MYOF: variants seen among roughly 807,000 people sequenced by gnomAD.
The protein encoded by MYOF is fer-1-like 3, myoferlin.
Under a neutral mutation model 284.2 loss-of-function variants are expected in MYOF, and 244 were observed. That is an observed-to-expected ratio of 0.86 (90% CI 0.77 to 0.95). The LOEUF (loss-of-function observed/expected upper bound fraction) is 0.95, where lower values mean the gene tolerates loss of function less well. Among genes scored for constraint, MYOF ranks in the 40% least tolerant of loss-of-function variants. The pLI, the probability that MYOF is intolerant of heterozygous loss-of-function variation, is 0.00. For missense variants in MYOF, 2,496 were observed against 2,560.6 expected (o/e 0.97, Z 0.54); for synonymous variants, 904 against 919.7 (o/e 0.98, Z 0.31).
At chr10:93,473,761 C>A (rs989597551) in intron 1 of MYOF, among the ~76,000 whole-genome samples, 2 of 152,186 alleles carry the variant, frequency 1.3e-5, no homozygotes, top group African/African-American at 4.8e-5. Flanking sequence ...ACTCCCTATC[C>A]TTTCAGATAG....
chr10:93,443,886 C>G (rs1158484305), intron 3 of MYOF, among the ~76,000 whole-genome samples: 1 of 152,126 alleles, frequency 6.6e-6, no homozygotes, highest in Admixed American at 6.5e-5. Flanking sequence ...GTAACTTGCC[C>G]AGGTCACCCA....
chr10:93,379,569 C>T lies in MYOF; in HGVS notation c.2001+294G>A, dbSNP rs1267853583. 5.9e-5 allele frequency among the ~76,000 whole-genome samples: 9 copies of T among 152,150 alleles called. No homozygotes were observed. The East Asian group carries it at 1.5e-3, about 26-fold the overall frequency. ...ATGTCATCTTCTCCCCACTGTTTACCAGCCCTCCCCTCAGGCTGGAGGGCA... is the reference window on the plus strand; with the variant it reads ...ATGTCATCTTCTCCCCACTGTTTACTAGCCCTCCCCTCAGGCTGGAGGGCA... On this transcript the variant is annotated intron_variant, in intron 21 of 53. Transcript: ENST00000359263.
rs1195670593 is a variant in MYOF, at chr10:93,396,148, C to CT, written c.1410dup (p.Val471SerfsTer51). ...GATCTGTTGAGTGACTTACCTTCCACTTCCCCACCAGAGGCAGCAATTTTA... is the reference window on the plus strand; with the variant it reads ...GATCTGTTGAGTGACTTACCTTCCACTTTCCCCACCAGAGGCAGCAATTTTA... On this transcript the variant is annotated frameshift_variant, in exon 16 of 54. Coordinates refer to ENST00000359263, the MANE Select transcript of MYOF (RefSeq NM_013451.4). LOFTEE classifies it high-confidence loss of function. 1 of 1,607,526 alleles carries CT rather than the reference C, an allele frequency of 6.2e-7. No homozygotes were observed. Among genetic ancestry groups the CT allele is most frequent in the Non-Finnish European group, 8.5e-7 (1 of 1,176,034 alleles).
At chr10:93,339,345 T>C (rs1307661239) in intron 39 of MYOF, among the ~76,000 whole-genome samples, 2 of 149,534 alleles carry the variant, frequency 1.3e-5, no homozygotes, top group African/African-American at 5.0e-5. Flanking sequence ...TTATATTATA[T>C]GTTACATTAT....
chr10:93,388,424 G>A (rs1418645570), intron 18 of MYOF, among the ~76,000 whole-genome samples: 1 of 152,196 alleles, frequency 6.6e-6, no homozygotes, highest in Non-Finnish European at 1.5e-5. Flanking sequence ...GGGTGCAGCT[G>A]AGCCTGAGGA....
chr10:93,409,565 G>A lies in MYOF; in HGVS notation c.600+8C>T, dbSNP rs372746129. 117 of 1,610,600 alleles carry A rather than the reference G, an allele frequency of 7.3e-5. No homozygotes were observed. The African/African-American group carries it at 7.5e-4, about 10-fold the overall frequency. ...AAACAAAGAAGCAGAACGCCAGGCC[G>A]TTGCTACCTGGAAGTCCTGTGGCTT... On this transcript the variant is annotated splice_region_variant and intron_variant, in intron 6 of 53. Coordinates refer to ENST00000359263, the MANE Select transcript of MYOF (RefSeq NM_013451.4).
intron 5 of MYOF, among the ~76,000 whole-genome samples, chr10:93,420,296 G>A (rs1313269039): frequency 1.3e-5 from 2 of 152,196 alleles, no homozygotes; most frequent in East Asian, 3.8e-4. Flanking sequence ...CTACGGGAAT[G>A]TAGGCTCCAG....
At chr10:93,394,942 C>T (rs73319679) in intron 16 of MYOF, among the ~76,000 whole-genome samples, 6,593 of 150,208 alleles carry the variant, frequency 0.044, 505 homozygotes, top group African/African-American at 0.15. Context: ...ATATAATAAC[C>T]AGGTTCTTAT....
chr10:93,374,749 T>A lies in MYOF; in HGVS notation c.2301+14A>T. On this transcript the variant is annotated intron_variant, in intron 23 of 53. Coordinates refer to ENST00000359263, the MANE Select transcript of MYOF (RefSeq NM_013451.4). ...TCCATATCAGGTGACGTTTGTGTAG[T>A]TTAAAAGTCCTACCTCTTCAGTCAG... The A allele has an allele frequency of 1.2e-6, 2 of 1,611,090 alleles. No homozygotes were observed. The highest frequency in any genetic ancestry group is 2.2e-5 in the South Asian group (2 of 90,592).
chr10:93,382,835 G>T (rs371269852), intron 19 of MYOF, among the ~76,000 whole-genome samples: 15 of 152,302 alleles, frequency 9.8e-5, no homozygotes, highest in African/African-American at 3.6e-4. Flanking sequence ...GTCTATTCTA[G>T]AACTCTGGTG....
chr10:93,400,221 C>T (rs1847207506), intron 12 of MYOF, among the ~76,000 whole-genome samples: 1 of 151,396 alleles, frequency 6.6e-6, no homozygotes, highest in South Asian at 2.1e-4. Flanking sequence ...GACATAATCA[C>T]AAATAATATA....
rs777576271 is a variant in MYOF at position 93,351,257 on chromosome 10, C to T, written c.3861G>A (p.Ala1287=). The change falls in exon 35 of 54, where the codon GCG becomes GCA. Residue 1287 remains alanine, a synonymous_variant. Transcript: ENST00000359263. Reference sequence around the variant, plus strand: ...CCTGGGGGACCATGTATAGATTTGGCGCCCTTTGAGGGGGAAGAATGGGAA... The same window carrying T: ...CCTGGGGGACCATGTATAGATTTGGTGCCCTTTGAGGGGGAAGAATGGGAA... ...SNLPILPPQR[A]PNLYMVPQGI... The T allele has an allele frequency of 2.6e-5, 42 of 1,613,666 alleles. 1 individual carries two copies. The highest frequency in any genetic ancestry group is 1.5e-4 in the South Asian group (14 of 90,940).
Position 93,351,715 on chromosome 10 carries a change from G to A in MYOF, c.3613C>T (p.Leu1205=), listed in dbSNP as rs1844524028. ...VEIYGEPQTV[L]QNPPKVIMEL... is the part of the protein sequence containing the mutation. Reference sequence around the variant, plus strand: ...ATGATAACTTTGGGTGGATTCTGTAGAACTGTTTGGGGTTCCCCATAGATT... The same window carrying A: ...ATGATAACTTTGGGTGGATTCTGTAAAACTGTTTGGGGTTCCCCATAGATT... The change falls in exon 33 of 54, where the codon CTA becomes TTA. Residue 1205 remains leucine (L), a synonymous_variant. Coordinates refer to ENST00000359263, the MANE Select transcript of MYOF (RefSeq NM_013451.4). 1 of 1,598,724 alleles carries A rather than the reference G, an allele frequency of 6.3e-7. No homozygotes were observed. The highest frequency in any genetic ancestry group is 8.5e-7 in the Non-Finnish European group (1 of 1,175,514).
chr10:93,404,641 CA>C (rs34398757), intron 7 of MYOF, among the ~76,000 whole-genome samples: 9,716 of 60,788 alleles, frequency 0.16, 196 homozygotes, highest in African/African-American at 0.23. Flanking sequence ...GAGGCCATCT[CA>C]AAAAAAAAAA....
intron 6 of MYOF, among the ~76,000 whole-genome samples, chr10:93,409,243 A>G (rs571373629): frequency 1.3e-5 from 2 of 152,336 alleles, no homozygotes; most frequent in South Asian, 2.1e-4. Flanking sequence ...AACTAACTCC[A>G]TAGCTGCCTT....
chr10:93,445,931 G>A (rs1302619114), intron 3 of MYOF, among the ~76,000 whole-genome samples: 2 of 152,106 alleles, frequency 1.3e-5, no homozygotes, highest in East Asian at 3.8e-4. Flanking sequence ...CAGAACTTTA[G>A]TAGAAAAGCC....
chr10:93,411,714 G>A (rs1847907881), intron 5 of MYOF, among the ~76,000 whole-genome samples: 1 of 152,130 alleles, frequency 6.6e-6, no homozygotes, highest in South Asian at 2.1e-4. Flanking sequence ...GCCCAGGGTG[G>A]GCCCTGCTCC....
chr10:93,398,091 A>C (rs547493594), intron 13 of MYOF, among the ~76,000 whole-genome samples: 1 of 152,224 alleles, frequency 6.6e-6, no homozygotes, highest in South Asian at 2.1e-4. Context: ...TAAAGCCCCA[A>C]TCCTTCCCTG....
Position 93,336,426 on chromosome 10 carries a change from C to A in MYOF, c.4438-380G>T, listed in dbSNP as rs546175210. Among the ~76,000 whole-genome samples, 24 of 152,314 alleles carry A rather than the reference C, an allele frequency of 1.6e-4. 1 individual carries two copies. The highest frequency in any genetic ancestry group is 4.3e-4 in the African/African-American group (18 of 41,572). ...GGGAAAAACTATGAATACACACAAC[C>A]ACATGATGAGTCTCAAAACTACAAC... On this transcript the variant is annotated intron_variant, in intron 40 of 53. Coordinates refer to ENST00000359263, the MANE Select transcript of MYOF (RefSeq NM_013451.4).
Sources: allele counts gnomAD v4.1 joint callset (sites outside exome capture counted in the v4.1 genomes callset), GRCh38; gene constraint gnomAD v4.1.1; transcripts MANE v1.5; gene names NCBI Gene and HGNC (gene_info 2026-07-23, HGNC 2026-07-21).